The following MAN1A1 variants were observed in gnomAD, a reference collection of about 807,000 sequenced individuals.
The protein encoded by MAN1A1 is mannosyl-oligosaccharide 1,2-alpha-mannosidase IA.
A neutral mutation model predicts 70.8 loss-of-function variants in MAN1A1; 29 were observed. The observed-to-expected ratio is 0.41, with a 90% CI of 0.31 to 0.56. MAN1A1 has a LOEUF of 0.56. Ranked by LOEUF, MAN1A1 falls within the 20% of genes least tolerant of loss-of-function variation. The pLI is 0.29. For missense variants in MAN1A1, 747 were observed against 841.3 expected, an observed-to-expected ratio of 0.89 and a Z score of 1.39; for synonymous variants, 349 against 330.1, an observed-to-expected ratio of 1.06 and a Z score of -0.62.
At chr6:119,260,317 G>A (rs1416278383) in intron 5 of MAN1A1, among the ~76,000 whole-genome samples, 3 of 152,134 alleles carry the variant, frequency 2.0e-5, no homozygotes, top group Non-Finnish European at 4.4e-5. Flanking sequence ...AAAAATAGCT[G>A]TATCATACAC....
intron 11 of MAN1A1, among the ~76,000 whole-genome samples, chr6:119,186,985 A>G (rs1773309494): frequency 6.6e-6 from 1 of 152,230 alleles, no homozygotes; most frequent in Non-Finnish European, 1.5e-5. Flanking sequence ...AGAGTTGACA[A>G]GAAATAAAAA....
In MAN1A1 at chr6:119,348,808, G is replaced by C. The variant is rs1236516969; in HGVS notation, c.258C>G (p.His86Gln). 6 of 1,449,260 alleles carry C rather than the reference G, an allele frequency of 4.1e-6. No homozygotes were observed. Among genetic ancestry groups the C allele is most frequent in the Non-Finnish European group, 5.5e-6 (6 of 1,095,818 alleles). The allele number at this position is 1,449,260 out of a possible 1,614,324, so 89.8% of individuals were successfully genotyped here. ...SSPALQPAAD[H>Q]KPGPGARAED... ...CGGCGCGCGCCCCGGGCCCGGGCTTGTGGTCGGCGGCCGGCTGCAAGGCGG... is the reference window on the plus strand; with the variant it reads ...CGGCGCGCGCCCCGGGCCCGGGCTTCTGGTCGGCGGCCGGCTGCAAGGCGG... The change falls in exon 2 of 13, where the codon CAC becomes CAG. Residue 86 changes from histidine (H) to glutamine (Q), a missense_variant. Coordinates refer to ENST00000368468, the MANE Select transcript of MAN1A1 (RefSeq NM_005907.4).
intron 2 of MAN1A1, among the ~76,000 whole-genome samples, chr6:119,334,161 C>T (rs561621116): frequency 3.3e-5 from 5 of 152,062 alleles, no homozygotes; most frequent in Admixed American, 3.3e-4. Context: ...GGGAAGTAAA[C>T]AGAAATAACC....
At chr6:119,229,188 A>G (rs1774603772) in intron 6 of MAN1A1, among the ~76,000 whole-genome samples, 1 of 147,760 alleles carries the variant, frequency 6.8e-6, no homozygotes, top group Non-Finnish European at 1.5e-5. Flanking sequence ...TATCAGAATC[A>G]GTGACTATCA....
chr6:119,178,975 CA>C lies in MAN1A1; in HGVS notation c.*843del, dbSNP rs1444835651. The C allele has an allele frequency of 6.6e-6, 1 of 152,070 alleles. No individual in the cohort carries two copies. The highest frequency in any genetic ancestry group is 1.5e-5 in the Non-Finnish European group (1 of 67,952). The allele number at this position is 152,070 out of a possible 1,614,324, so 9.4% of individuals were successfully genotyped here. On this transcript the variant is annotated 3_prime_UTR_variant, in exon 13 of 13. Coordinates refer to ENST00000368468, the MANE Select transcript of MAN1A1 (RefSeq NM_005907.4). ...ATTTCTTCATATATTCAGTTAAACC[CA>C]AAAGCTAATCCATTAAGTTGTACTA... is the stretch of plus-strand genomic sequence containing the variant.
intron 5 of MAN1A1, among the ~76,000 whole-genome samples, chr6:119,262,342 C>G (rs6569059): frequency 0.88 from 134,118 of 152,182 alleles, 59,365 homozygotes; most frequent in Non-Finnish European, 0.9. Flanking sequence ...TCTTATTTTA[C>G]GCAGTGATAA....
intron 5 of MAN1A1, among the ~76,000 whole-genome samples, chr6:119,276,862 A>G (rs1270354946): frequency 6.6e-6 from 1 of 152,216 alleles, no homozygotes; most frequent in Non-Finnish European, 1.5e-5. Flanking sequence ...TAAAACTAAG[A>G]TGACAATCTC....
intron 8 of MAN1A1, among the ~76,000 whole-genome samples, chr6:119,197,075 G>A (rs968802037): frequency 1.2e-4 from 19 of 152,142 alleles, no homozygotes; most frequent in Admixed American, 5.2e-4. Context: ...TTGGGAGGCC[G>A]GGGAGGGCGG....
At chr6:119,274,237 A>G (rs1362697038) in intron 5 of MAN1A1, among the ~76,000 whole-genome samples, 1 of 152,228 alleles carries the variant, frequency 6.6e-6, no homozygotes, top group African/African-American at 2.4e-5. Context: ...GATATTTTGT[A>G]GTTACTTTTA....
intron 5 of MAN1A1, among the ~76,000 whole-genome samples, chr6:119,287,225 A>G (rs926163563): frequency 6.6e-6 from 1 of 152,112 alleles, no homozygotes; most frequent in Non-Finnish European, 1.5e-5. Context: ...GTACAGCTAT[A>G]GAGATCCCCT....
At chr6:119,282,256 G>C (rs1776243267) in intron 5 of MAN1A1, among the ~76,000 whole-genome samples, 1 of 151,960 alleles carries the variant, frequency 6.6e-6, no homozygotes, top group Non-Finnish European at 1.5e-5. Context: ...ATGAATTGTG[G>C]AGATAAAATT....
At chr6:119,255,760 G>C (rs1043985019) in intron 5 of MAN1A1, among the ~76,000 whole-genome samples, 6 of 152,122 alleles carry the variant, frequency 3.9e-5, no homozygotes, top group Admixed American at 1.3e-4. Flanking sequence ...TGATCCTTTT[G>C]ATCCAGAGGG....
At chr6:119,192,828 T>C (rs1484792544) in intron 9 of MAN1A1, among the ~76,000 whole-genome samples, 2 of 152,200 alleles carry the variant, frequency 1.3e-5, no homozygotes, top group Non-Finnish European at 2.9e-5. Context: ...ATATTTTAGA[T>C]AAAGTAATTT....
At chr6:119,323,264 C>T (rs1486624727) in intron 2 of MAN1A1, among the ~76,000 whole-genome samples, 1 of 152,126 alleles carries the variant, frequency 6.6e-6, no homozygotes, top group Non-Finnish European at 1.5e-5. Flanking sequence ...TCCCTTTATG[C>T]CTATAGATTC....
chr6:119,203,977 AG>A (rs1004733605), intron 7 of MAN1A1, among the ~76,000 whole-genome samples: 14 of 152,114 alleles, frequency 9.2e-5, no homozygotes, highest in African/African-American at 3.4e-4. Flanking sequence ...ATTGAGTGCT[AG>A]GGCTTTCCAA....
At chr6:119,335,936 T>C (rs1773438743) in intron 2 of MAN1A1, among the ~76,000 whole-genome samples, 2 of 152,190 alleles carry the variant, frequency 1.3e-5, no homozygotes, top group South Asian at 4.1e-4. Flanking sequence ...GTGACTTCAT[T>C]CTAGAGCAAA....
Position 119,248,266 on chromosome 6 carries a change from A to G in MAN1A1, c.986T>C (p.Met329Thr). The G allele has an allele frequency of 1.2e-6, 2 of 1,604,254 alleles. No individual in the cohort carries two copies. The highest frequency in any genetic ancestry group is 1.7e-6 in the Non-Finnish European group (2 of 1,171,774). The change falls in exon 6 of 13, where the codon ATG becomes ACG. Residue 329 changes from methionine (M) to threonine (T), a missense_variant. By Grantham distance (81) the Met-to-Thr change is moderately conservative. Transcript: ENST00000368468. ...TGAAAATGAAGAGTTTTACCTTTTC[A>G]TATTCAGCAATGCCCAAGGTATTCC... ...PSGIPWALLN[M>T]KSGIGRNWPW...
At chr6:119,270,823 C>T (rs1775902651) in intron 5 of MAN1A1, among the ~76,000 whole-genome samples, 1 of 152,184 alleles carries the variant, frequency 6.6e-6, no homozygotes. Context: ...ATTTATAATA[C>T]AATAGAATGC....
In MAN1A1 at chr6:119,237,835, G is replaced by A. The variant is rs190493638; in HGVS notation, c.992+10425C>T. 1.3e-4 allele frequency among the ~76,000 whole-genome samples: 20 copies of A among 152,212 alleles called. No individual in the cohort carries two copies. The East Asian group carries it at 3.9e-3, about 29-fold the overall frequency. ...ACAAGGTATGTTGACTAATGGCTGG[G>A]TAGCATGCTACATTTTTTTTAAATA... On this transcript the variant is annotated intron_variant, in intron 6 of 12. Coordinates refer to ENST00000368468, the MANE Select transcript of MAN1A1 (RefSeq NM_005907.4).
Sources: allele counts gnomAD v4.1 joint callset (sites outside exome capture counted in the v4.1 genomes callset), GRCh38; gene constraint gnomAD v4.1.1; transcripts MANE v1.5; gene names NCBI Gene and HGNC (gene_info 2026-07-23, HGNC 2026-07-21).